Variants in LTK observed in about 807,000 individuals in gnomAD.
The protein encoded by LTK is leukocyte tyrosine kinase receptor.
In LTK, 117 loss-of-function variants were observed where a neutral mutation model predicts 101.5. The ratio of observed to expected loss-of-function variants is 1.15; its 90% confidence interval spans 0.99 to 1.34. The LOEUF (loss-of-function observed/expected upper bound fraction) is 1.34. Among genes scored for constraint, LTK ranks in the 40% most tolerant of loss-of-function variants. LTK has a pLI of 0.00. For missense variants in LTK, 1,252 were observed against 1,164.7 expected, an observed-to-expected ratio of 1.07 and a Z score of -1.09; for synonymous variants, 563 against 494.2, an observed-to-expected ratio of 1.14 and a Z score of -1.85.
intron 8 of LTK, 86 bp from the exon 9 acceptor site, chr15:41,508,307 G>A (rs1213012093): frequency 8.4e-6 from 10 of 1,184,804 alleles, no homozygotes; most frequent in East Asian, 5.1e-5. Context: ...AGTGGCACAC[G>A]CCTATAATCA....
intron 11 of LTK, 48 bp downstream of exon 11, chr15:41,507,047 G>T: frequency 6.5e-7 from 1 of 1,531,412 alleles, no homozygotes; most frequent in Non-Finnish European, 8.9e-7. Context: ...AGAATCAGAG[G>T]TGGGGATTCA....
chr15:41,511,835 G>GGCCCCCCCCCCC lies in LTK; in HGVS notation c.638_639insGGGGGGGGGGGC (p.Gly213_Ala214insGlyGlyGlyAla). 29 of 1,477,238 alleles carry GGCCCCCCCCCCC rather than the reference G, an allele frequency of 2.0e-5. No homozygotes were observed. The highest frequency in any genetic ancestry group is 3.0e-5 in the African/African-American group (2 of 66,864). 91.5% of individuals were successfully genotyped at this position (1,477,238 alleles called of 1,614,324 possible). A position where few individuals can be genotyped will look rare whatever the true frequency, so the allele number is the denominator to read the frequency against. On this transcript the variant is annotated inframe_insertion, in exon 5 of 20. Transcript: ENST00000263800. The surrounding 1 kb of genome is among the most constrained non-coding windows in gnomAD (Gnocchi z 5.9). ...CACGTACCCGGAAAACGTAGGTGGC[G>GGCCCCCCCCCCC]CCCCCGCCACCCCCGCCACCTCCCG... is the stretch of plus-strand genomic sequence containing the variant.
intron 4 of LTK, 55 bp from the exon 5 acceptor site, chr15:41,512,018 C>T: frequency 6.9e-7 from 1 of 1,453,926 alleles, no homozygotes; most frequent in Middle Eastern, 2.2e-4. Context: ...CCTCGCTGTG[C>T]TGGTGACCCG....
At chr15:41,507,927 C>T (rs568144728) in intron 9 of LTK, 142 bp downstream of exon 9, 781 of 867,984 alleles carry the variant, frequency 9.0e-4, no homozygotes, top group Non-Finnish European at 1.1e-3. Context: ...CACTGTGCAC[C>T]GATGAATCTC....
intron 11 of LTK, among the ~76,000 whole-genome samples, chr15:41,506,453 C>T (rs1034572900): frequency 1.3e-5 from 2 of 152,050 alleles, no homozygotes; most frequent in East Asian, 1.9e-4. Flanking sequence ...TACAGGCAAG[C>T]GCCACAACGC....
At position 41,512,883 on chromosome 15, in the gene LTK, G is replaced by A. The variant is rs1425030202; in HGVS notation, c.188-5C>T. Reference sequence around the variant, plus strand: ...ACAGCCAAGACCCCTCGGTGCCTGAGAGCAAGGAGCGAGGCAAGGGTCGTC... The same window carrying A: ...ACAGCCAAGACCCCTCGGTGCCTGAAAGCAAGGAGCGAGGCAAGGGTCGTC... On this transcript the variant is annotated splice_polypyrimidine_tract_variant and splice_region_variant and intron_variant, in intron 2 of 19. Coordinates refer to ENST00000263800, the MANE Select transcript of LTK (RefSeq NM_002344.6). The A allele has an allele frequency of 2.5e-6, 4 of 1,609,496 alleles. No homozygotes were observed. The East Asian group carries it at 8.9e-5, about 36-fold the overall frequency.
At position 41,503,953 on chromosome 15, in the gene LTK, GACCCTCAGTGCCTCAGTCCTT is replaced by G. The variant is rs1165577219; in HGVS notation, c.*22_*42del. ...CAGGAGCCTGAGGAGTATAGGGAGG[GACCCTCAGTGCCTCAGTCCTT>G]ACCCTCAGGGCCCCTTGGGGCTCAG... On this transcript the variant is annotated 3_prime_UTR_variant, in exon 20 of 20. Coordinates refer to ENST00000263800, the MANE Select transcript of LTK (RefSeq NM_002344.6). The G allele has an allele frequency of 2.6e-6, 4 of 1,541,830 alleles. No homozygotes were observed. The highest frequency in any genetic ancestry group is 3.5e-6 in the Non-Finnish European group (4 of 1,148,222).
Position 41,508,147 on chromosome 15 carries a change from A to C in LTK, c.1171T>G (p.Trp391Gly), listed in dbSNP as rs764028790. The change falls in exon 9 of 20, where the codon TGG becomes GGG. Residue 391 changes from tryptophan to glycine, a missense_variant. Transcript: ENST00000263800. ...CSHCPLRDCQWQAELQLAECL... is the reference protein window; with the variant it reads ...CSHCPLRDCQGQAELQLAECL... ...TCAGCCAGCTGGAGCTCTGCCTGCC[A>C]TTGGCAGTCTCTCAAAGGGCAGTGA... 13 of 1,613,302 alleles carry C rather than the reference A, an allele frequency of 8.1e-6. No individual in the cohort carries two copies. The South Asian group carries it at 1.4e-4, about 18-fold the overall frequency.
intron 3 of LTK, 101 bp from the exon 4 acceptor site, chr15:41,512,366 G>A: frequency 8.1e-7 from 1 of 1,232,830 alleles, no homozygotes; most frequent in Non-Finnish European, 1.1e-6. Flanking sequence ...TTTTTTATCT[G>A]AGGGACTTGG....
At chr15:41,513,638 C>T (rs760147272) in intron 1 of LTK, 29 bp downstream of exon 1, 4 of 1,610,300 alleles carry the variant, frequency 2.5e-6, no homozygotes, top group Non-Finnish European at 3.4e-6. Context: ...TCAGGCTGGA[C>T]GGTCCCCTGA....
Position 41,504,819 on chromosome 15 carries a change from G to A in LTK, c.2074C>T (p.Pro692Ser). 1.2e-6 allele frequency: 2 copies of A among 1,613,358 alleles called. No homozygotes were observed. The highest frequency in any genetic ancestry group is 3.3e-5 in the Admixed American group (2 of 59,896). ...AAGATGCCCTCCAGGAAGGCCTCTGGGGGCATCCACTTGACTGGGAGCAAG... is the reference window on the plus strand; with the variant it reads ...AAGATGCCCTCCAGGAAGGCCTCTGAGGGCATCCACTTGACTGGGAGCAAG... The part of the protein sequence containing the change: ...RALLPVKWMP[P>S]EAFLEGIFTS... Residue 692 changes from proline to serine, a missense_variant, in exon 17 of 20, where the codon CCA (proline) becomes TCA (serine). By Grantham distance (74) the Pro-to-Ser change is moderately conservative (BLOSUM62 -1). Coordinates refer to ENST00000263800, the MANE Select transcript of LTK (RefSeq NM_002344.6).
Position 41,509,160 on chromosome 15 carries a change from T to C in LTK, c.998-31A>G, listed in dbSNP as rs202071143. On this transcript the variant is annotated intron_variant, in intron 7 of 19. Transcript: ENST00000263800. ...AGTGGAGAGTGATGGAGAGTTTGAC[T>C]ACAAAAATGGGGGATGGGGGAGAAG... 1.0e-3 allele frequency: 1,377 copies of C among 1,349,430 alleles called. 1 individual carries two copies. The highest frequency in any genetic ancestry group is 1.4e-3 in the Non-Finnish European group (1,278 of 938,904). The allele number at this position is 1,349,430 out of a possible 1,614,324, so 83.6% of individuals were successfully genotyped here.
chr15:41,504,727 CAGGGGAGGGGAACAGTGGGGA>C (rs762753546), intron 17 of LTK, 25 bp downstream of exon 17: 3 of 1,535,978 alleles, frequency 2.0e-6, no homozygotes, highest in African/African-American at 2.8e-5. Context: ...GGATTAGCCT[CAGGGGAGGGGAACAGTGGGGA>C]AGGGGAGGGG....
At chr15:41,506,091 C>G in intron 11 of LTK, 86 bp from the exon 12 acceptor site, 1 of 826,942 alleles carries the variant, frequency 1.2e-6, no homozygotes, top group Non-Finnish European at 2.0e-6. Context: ...CCTCCCCTGC[C>G]CCTGCCATAT....
rs144738418 is a variant in LTK at position 41,507,248 on chromosome 15, G to A, written c.1388C>T (p.Pro463Leu). The stretch of plus-strand genomic sequence containing the variant: ...CTTGCTCAGCTCAAGCTCAGGGCTC[G>A]GCAGCCTCATCTCCTGCAGGCCCTG... ...KWQGLQEMRLPSPELELSKLR... is the reference protein window; with the variant it reads ...KWQGLQEMRLLSPELELSKLR... Residue 463 changes from proline (P) to leucine (L), a missense_variant, in exon 11 of 20, where the codon CCG becomes CTG. Coordinates refer to ENST00000263800, the MANE Select transcript of LTK (RefSeq NM_002344.6). 32 of 1,608,584 alleles carry A rather than the reference G, an allele frequency of 2.0e-5. No homozygotes were observed. Among genetic ancestry groups the A allele is most frequent in the East Asian group, 8.9e-5 (4 of 44,808 alleles).
In LTK at chr15:41,511,209, C is replaced by T. The variant is rs750925893; in HGVS notation, c.952G>A (p.Gly318Ser). ...GWAAAGGFGG[G>S]GGACTAGGGG... Reference sequence around the variant, plus strand: ...CCGCCCGCAGTGCAGGCCCCGCCGCCGCCCCCGAAGCCGCCGGCCGCGGCC... The same window carrying T: ...CCGCCCGCAGTGCAGGCCCCGCCGCTGCCCCCGAAGCCGCCGGCCGCGGCC... The change falls in exon 7 of 20, where the codon GGC (glycine) becomes AGC (serine). Residue 318 changes from glycine to serine, a missense_variant. Gly to Ser is a moderately conservative substitution (Grantham distance 56). Coordinates refer to ENST00000263800, the MANE Select transcript of LTK (RefSeq NM_002344.6). This position sits in a 1 kb window ranked among gnomAD's most constrained non-coding sequence, Gnocchi z 5.9. 4.3e-6 allele frequency: 6 copies of T among 1,389,448 alleles called. No homozygotes were observed. The highest frequency in any genetic ancestry group is 5.6e-6 in the Non-Finnish European group (6 of 1,078,190). The allele number at this position is 1,389,448 out of a possible 1,614,324, so 86.1% of individuals were successfully genotyped here. A position where few individuals can be genotyped will look rare whatever the true frequency, so the allele number is the denominator to read the frequency against.
At position 41,513,662 on chromosome 15, in the gene LTK, C is replaced by T; in HGVS notation, c.43+5G>A. ...ACGGTCCCCTGACCGCCAGATAGCA[C>T]TTACCCGCGGCTCCGAACCACACCA... On this transcript the variant is annotated splice_donor_5th_base_variant and intron_variant, in intron 1 of 19. Transcript: ENST00000263800. 6.2e-7 allele frequency: 1 copy of T among 1,613,124 alleles called. No individual in the cohort carries two copies. Among genetic ancestry groups the T allele is most frequent in the Non-Finnish European group, 8.5e-7 (1 of 1,179,790 alleles).
In LTK at chr15:41,504,965, C is replaced by G. The variant is rs2051210716; in HGVS notation, c.2018+7G>C. On this transcript the variant is annotated splice_region_variant and intron_variant, in intron 16 of 19. Coordinates refer to ENST00000263800, the MANE Select transcript of LTK (RefSeq NM_002344.6). Reference sequence around the variant, plus strand: ...GCAAGAGCCTTCCCACCTCCCAAGTCCCGCACCGGTAGATATCTCGTGCCA... The same window carrying G: ...GCAAGAGCCTTCCCACCTCCCAAGTGCCGCACCGGTAGATATCTCGTGCCA... 3.1e-6 allele frequency: 5 copies of G among 1,607,018 alleles called. No homozygotes were observed. Among genetic ancestry groups the G allele is most frequent in the Non-Finnish European group, 3.4e-6 (4 of 1,176,104 alleles).
chr15:41,511,662 G>T lies in LTK; in HGVS notation c.658-84C>A. On this transcript the variant is annotated intron_variant, in intron 5 of 19. Coordinates refer to ENST00000263800, the MANE Select transcript of LTK (RefSeq NM_002344.6). This position sits in a 1 kb window ranked among gnomAD's most constrained non-coding sequence, Gnocchi z 5.9. Reference sequence around the variant, plus strand: ...CTGGGAGAGGGCTCCCGCCCAGGGGGCCTGGATAAGGGCAGGGGCCCCCAG... The same window carrying T: ...CTGGGAGAGGGCTCCCGCCCAGGGGTCCTGGATAAGGGCAGGGGCCCCCAG... 2 of 1,396,328 alleles carry T rather than the reference G, an allele frequency of 1.4e-6. No homozygotes were observed. Among genetic ancestry groups the T allele is most frequent in the Non-Finnish European group, 1.8e-6 (2 of 1,084,206 alleles). The allele number at this position is 1,396,328 out of a possible 1,614,324, so 86.5% of individuals were successfully genotyped here.
Sources: allele counts gnomAD v4.1 joint callset (sites outside exome capture counted in the v4.1 genomes callset), GRCh38; gene constraint gnomAD v4.1.1; non-coding constraint Gnocchi (gnomAD v3.1); transcripts MANE v1.5; gene names NCBI Gene and HGNC (gene_info 2026-07-23, HGNC 2026-07-21).